Variants in PHACTR1 observed in about 807,000 individuals in gnomAD.
PHACTR1 encodes phosphatase and actin regulator 1, also known as RPEL repeat containing 1.
A neutral mutation model predicts 69.2 loss-of-function variants in PHACTR1; 16 were observed. That is an observed-to-expected ratio of 0.23 (90% CI 0.16 to 0.35). PHACTR1 has a LOEUF of 0.35. Ranked by LOEUF, PHACTR1 falls within the 10% of genes least tolerant of loss-of-function variation. The pLI is 1.00. For synonymous variants in PHACTR1, 312 were observed against 284.5 expected (o/e 1.10, Z -0.97); for missense variants, 510 against 734.7 (o/e 0.69, Z 3.54).
intron 5 of PHACTR1, among the ~76,000 whole-genome samples, chr6:13,132,521 T>C (rs1259903926): frequency 1.3e-5 from 2 of 152,176 alleles, no homozygotes; most frequent in African/African-American, 4.8e-5. Context: ...GACATAGTGA[T>C]GGTGATTCCT....
At chr6:13,252,327 C>CA (rs373475742) in intron 10 of PHACTR1, among the ~76,000 whole-genome samples, 7,095 of 82,034 alleles carry the variant, frequency 0.086, 449 homozygotes, top group African/African-American at 0.19. Flanking sequence ...GATCCTGTCT[C>CA]AAAAAAAAAA....
chr6:12,853,279 T>C (rs1334873718), intron 4 of PHACTR1, among the ~76,000 whole-genome samples: 1 of 152,182 alleles, frequency 6.6e-6, no homozygotes, highest in East Asian at 1.9e-4. Flanking sequence ...CAGTGTCCCT[T>C]GCAGACTTTT....
At chr6:12,792,611 G>A (rs1772467570) in intron 4 of PHACTR1, among the ~76,000 whole-genome samples, 1 of 151,834 alleles carries the variant, frequency 6.6e-6, no homozygotes, top group South Asian at 2.1e-4. Context: ...AGCTGTCCAG[G>A]GTTGCGAAAA....
At chr6:13,228,151 T>C (rs1304531078) in intron 9 of PHACTR1, 88 bp downstream of exon 9, 5 of 1,477,998 alleles carry the variant, frequency 3.4e-6, no homozygotes, top group Non-Finnish European at 9.0e-7. Context: ...CCCAGCAGTC[T>C]GGGTTCTAAT....
At chr6:13,042,232 T>C (rs144460969) in intron 4 of PHACTR1, among the ~76,000 whole-genome samples, 10 of 152,306 alleles carry the variant, frequency 6.6e-5, no homozygotes, top group African/African-American at 2.2e-4. Context: ...TCTAATGAGA[T>C]AATAGATCTA....
At chr6:13,006,330 G>A (rs568685280) in intron 4 of PHACTR1, among the ~76,000 whole-genome samples, 31 of 152,216 alleles carry the variant, frequency 2.0e-4, no homozygotes, top group Middle Eastern at 3.4e-3. Flanking sequence ...TAGTGCTGAG[G>A]GTCCTCTGAA....
At chr6:12,801,742 G>C (rs951279295) in intron 4 of PHACTR1, among the ~76,000 whole-genome samples, 1 of 152,132 alleles carries the variant, frequency 6.6e-6, no homozygotes, top group Non-Finnish European at 1.5e-5. Context: ...TAAAAAGCAA[G>C]AAAAACTGTC....
intron 4 of PHACTR1, among the ~76,000 whole-genome samples, chr6:12,793,697 G>A (rs563450563): frequency 6.6e-6 from 1 of 152,252 alleles, no homozygotes; most frequent in African/African-American, 2.4e-5. Context: ...CAAATTAGTG[G>A]TGTTTTAACC....
chr6:13,171,456 CAT>C (rs1760607272), intron 6 of PHACTR1, among the ~76,000 whole-genome samples: 1 of 152,212 alleles, frequency 6.6e-6, no homozygotes, highest in African/African-American at 2.4e-5. Flanking sequence ...CTTTTGCATA[CAT>C]GTAAGGCCCA....
intron 5 of PHACTR1, among the ~76,000 whole-genome samples, chr6:13,084,227 G>A (rs1583285535): frequency 6.6e-6 from 1 of 151,760 alleles, no homozygotes; most frequent in Non-Finnish European, 1.5e-5. Flanking sequence ...CTTTGTAGGG[G>A]CATGGATGAA....
intron 4 of PHACTR1, among the ~76,000 whole-genome samples, chr6:12,934,495 C>T (rs1369708940): frequency 6.6e-6 from 1 of 152,106 alleles, no homozygotes; most frequent in Non-Finnish European, 1.5e-5. Flanking sequence ...ATCATCTCTC[C>T]CAGGACTGTA....
chr6:12,998,691 A>G (rs964835367), intron 4 of PHACTR1, among the ~76,000 whole-genome samples: 13 of 152,146 alleles, frequency 8.5e-5, no homozygotes, highest in African/African-American at 3.1e-4. Flanking sequence ...GTAAGTTTAA[A>G]TTTAAAAAAA....
At chr6:12,906,463 C>T (rs987371806) in intron 4 of PHACTR1, among the ~76,000 whole-genome samples, 1 of 152,144 alleles carries the variant, frequency 6.6e-6, no homozygotes, top group African/African-American at 2.4e-5. Flanking sequence ...TCTCTCAGAT[C>T]ATCTGTATGT....
At chr6:12,758,558 C>T (rs1299523369) in intron 4 of PHACTR1, among the ~76,000 whole-genome samples, 1 of 150,530 alleles carries the variant, frequency 6.6e-6, no homozygotes, top group East Asian at 2.0e-4. Flanking sequence ...ATCAGATTGA[C>T]ATCATTATTA....
intron 5 of PHACTR1, among the ~76,000 whole-genome samples, chr6:13,118,888 A>G (rs918383481): frequency 2.0e-5 from 3 of 152,172 alleles, no homozygotes; most frequent in African/African-American, 4.8e-5. Context: ...TCACTTTTGG[A>G]TGATTCTTGC....
chr6:13,030,381 C>T lies in PHACTR1; in HGVS notation c.251-22984C>T, dbSNP rs528244500. Among the ~76,000 whole-genome samples the T allele has an allele frequency of 2.0e-4, 30 of 152,054 alleles. No homozygotes were observed. The South Asian group carries it at 4.6e-3, about 23-fold the overall frequency. Reference sequence around the variant, plus strand: ...TTAGCACTCAATATATTATAGCTAACGGGGAGGAAGAGAAGATGTTGAAAA... The same window carrying T: ...TTAGCACTCAATATATTATAGCTAATGGGGAGGAAGAGAAGATGTTGAAAA... On this transcript the variant is annotated intron_variant, in intron 4 of 14. Coordinates refer to ENST00000332995, the MANE Select transcript of PHACTR1 (RefSeq NM_030948.6).
chr6:13,181,186 C>T (rs1464417482), intron 6 of PHACTR1, among the ~76,000 whole-genome samples: 1 of 146,344 alleles, frequency 6.8e-6, no homozygotes, highest in Non-Finnish European at 1.5e-5. Flanking sequence ...ATTCACTGGA[C>T]GGACTCTAAT....
intron 4 of PHACTR1, among the ~76,000 whole-genome samples, chr6:12,961,902 G>T (rs1426875123): frequency 6.6e-6 from 1 of 152,028 alleles, no homozygotes; most frequent in Non-Finnish European, 1.5e-5. Context: ...GGGTGTCTGT[G>T]CCTTAGTCTC....
intron 4 of PHACTR1, among the ~76,000 whole-genome samples, chr6:12,753,538 C>T (rs1766874468): frequency 6.6e-6 from 1 of 152,112 alleles, no homozygotes; most frequent in African/African-American, 2.4e-5. Flanking sequence ...AAAAATGTGT[C>T]CTTTTCTAAT....
Sources: allele counts gnomAD v4.1 joint callset (sites outside exome capture counted in the v4.1 genomes callset), GRCh38; gene constraint gnomAD v4.1.1; transcripts MANE v1.5; gene names NCBI Gene and HGNC (gene_info 2026-07-23, HGNC 2026-07-21).